Variants in YAP1 observed in about 807,000 individuals in gnomAD.
YAP1 encodes the protein Yes1 associated transcriptional regulator, also known as transcriptional coactivator YAP1.
Under a neutral mutation model 56.9 loss-of-function variants are expected in YAP1, and 5 were observed. The observed-to-expected ratio is 0.09, with a 90% CI of 0.05 to 0.18. The LOEUF (loss-of-function observed/expected upper bound fraction) is 0.18. YAP1 is among the 10% of genes least tolerant of loss of function. The pLI is 1.00. For missense variants in YAP1, 539 were observed against 651.8 expected (o/e 0.83, Z 1.88); for synonymous variants, 265 against 248.1 (o/e 1.07, Z -0.64).
chr11:102,202,114 A>G (rs926673405), intron 4 of YAP1, among the ~76,000 whole-genome samples: 2 of 152,100 alleles, frequency 1.3e-5, no homozygotes, highest in Non-Finnish European at 2.9e-5. Flanking sequence ...GTGATTTCAT[A>G]ATGATTTTTT....
chr11:102,163,447 T>G (rs1339612664), intron 3 of YAP1, among the ~76,000 whole-genome samples: 2 of 152,146 alleles, frequency 1.3e-5, no homozygotes, highest in African/African-American at 4.8e-5. Flanking sequence ...TAGGAAAAGG[T>G]GCCCTTCCTC....
At chr11:102,129,611 C>G (rs1944252188) in intron 2 of YAP1, among the ~76,000 whole-genome samples, 1 of 76,716 alleles carries the variant, frequency 1.3e-5, no homozygotes. Context: ...GAGCGAGACT[C>G]TGTCTCCAAA....
At chr11:102,122,835 A>C (rs1943746615) in intron 2 of YAP1, among the ~76,000 whole-genome samples, 1 of 145,810 alleles carries the variant, frequency 6.9e-6, no homozygotes, top group African/African-American at 2.5e-5. Flanking sequence ...TGGAGGTTGC[A>C]GCAGTGAATC....
At chr11:102,175,133 A>G (rs937061706) in intron 3 of YAP1, among the ~76,000 whole-genome samples, 3 of 152,176 alleles carry the variant, frequency 2.0e-5, no homozygotes, top group African/African-American at 7.2e-5. Flanking sequence ...TATTTTCATC[A>G]GTATGTTTAT....
chr11:102,183,427 G>A (rs889723309), intron 3 of YAP1, among the ~76,000 whole-genome samples: 3 of 152,252 alleles, frequency 2.0e-5, no homozygotes, highest in African/African-American at 4.8e-5. Context: ...AAGATGAATC[G>A]AAAATATTTT....
chr11:102,142,774 A>G (rs941096065), intron 2 of YAP1, among the ~76,000 whole-genome samples: 2 of 152,220 alleles, frequency 1.3e-5, no homozygotes, highest in Non-Finnish European at 2.9e-5. Context: ...TTTTATGAGT[A>G]GGGTAATAAT....
chr11:102,218,539 A>C (rs1316179440), intron 6 of YAP1, among the ~76,000 whole-genome samples: 1 of 152,230 alleles, frequency 6.6e-6, no homozygotes, highest in African/African-American at 2.4e-5. Context: ...AAGGCTAACT[A>C]TATTTGTTTT....
In YAP1 at chr11:102,230,045, G is replaced by T; in HGVS notation, c.*105G>T. 1 of 951,488 alleles carries T rather than the reference G, an allele frequency of 1.1e-6. No homozygotes were observed. The highest frequency in any genetic ancestry group is 1.6e-6 in the Non-Finnish European group (1 of 618,408). 58.9% of individuals were successfully genotyped at this position (951,488 alleles called of 1,614,324 possible). ...CAGTTTTCAGGCTAATACAGAAAAA[G>T]ATGAACAAACGTCCAGCAAGATACT... On this transcript the variant is annotated 3_prime_UTR_variant, in exon 9 of 9. Transcript: ENST00000282441.
At chr11:102,160,480 G>T (rs1946207270) in intron 2 of YAP1, among the ~76,000 whole-genome samples, 2 of 152,326 alleles carry the variant, frequency 1.3e-5, no homozygotes, top group African/African-American at 4.8e-5. Flanking sequence ...TGTTCTGACA[G>T]CAGAGTTTAT....
intron 2 of YAP1, among the ~76,000 whole-genome samples, chr11:102,122,243 ACC>A (rs146585964): frequency 0.03 from 4,504 of 150,750 alleles, 74 homozygotes; most frequent in African/African-American, 0.046. Flanking sequence ...AACAGTGAAA[ACC>A]GATCTCTACT....
intron 2 of YAP1, among the ~76,000 whole-genome samples, chr11:102,135,727 G>T (rs964078522): frequency 6.6e-6 from 1 of 152,082 alleles, no homozygotes; most frequent in Non-Finnish European, 1.5e-5. Flanking sequence ...TTCAATGGGA[G>T]GAATAGTAAA....
At chr11:102,211,166 CA>C (rs34954110) in intron 6 of YAP1, among the ~76,000 whole-genome samples, 2 of 152,004 alleles carry the variant, frequency 1.3e-5, no homozygotes, top group East Asian at 1.9e-4. Flanking sequence ...TCCTCCATGC[CA>C]AAAAAATGTT....
intron 2 of YAP1, among the ~76,000 whole-genome samples, chr11:102,156,811 G>A (rs1344525165): frequency 2.6e-5 from 4 of 152,172 alleles, no homozygotes; most frequent in Non-Finnish European, 5.9e-5. Flanking sequence ...TTGAGCTTTG[G>A]CATTATTCTC....
chr11:102,133,650 A>G (rs1353710415), intron 2 of YAP1, among the ~76,000 whole-genome samples: 2 of 152,170 alleles, frequency 1.3e-5, no homozygotes, highest in African/African-American at 4.8e-5. Context: ...GGAAGTTATG[A>G]GTTTCACACA....
chr11:102,227,364 T>TA, intron 7 of YAP1, 105 bp from the exon 8 acceptor site: 2 of 780,724 alleles, frequency 2.6e-6, no homozygotes, highest in East Asian at 2.7e-5. Flanking sequence ...GAATTTTCAC[T>TA]AATCCTCTTT....
chr11:102,180,878 A>G (rs1470243215), intron 3 of YAP1, among the ~76,000 whole-genome samples: 1 of 151,554 alleles, frequency 6.6e-6, no homozygotes, highest in Non-Finnish European at 1.5e-5. Context: ...CGGGCATGGT[A>G]GCTCGCACCT....
chr11:102,131,986 T>C (rs1041343050), intron 2 of YAP1, among the ~76,000 whole-genome samples: 4 of 152,056 alleles, frequency 2.6e-5, no homozygotes, highest in Non-Finnish European at 4.4e-5. Flanking sequence ...GGCACAGTGG[T>C]GTGCGCCTGT....
intron 2 of YAP1, among the ~76,000 whole-genome samples, chr11:102,134,445 A>C (rs951512724): frequency 6.7e-6 from 1 of 149,812 alleles, no homozygotes; most frequent in Admixed American, 6.7e-5. Context: ...CTAATATGCT[A>C]TGTTATGGCT....
rs1354010625 is a variant in YAP1, at chr11:102,223,717, A to G, written c.1128A>G (p.Thr376=). 6.2e-7 allele frequency: 1 copy of G among 1,614,170 alleles called. No individual in the cohort carries two copies. The highest frequency in any genetic ancestry group is 1.3e-5 in the African/African-American group (1 of 75,056). The change falls in exon 7 of 9, where the codon ACA becomes ACG. Residue 376 remains threonine, a synonymous_variant. Transcript: ENST00000282441. The part of the protein sequence containing the change: ...SSPGMSQELR[T]MTTNSSDPFL... The stretch of plus-strand genomic sequence containing the variant: ...CCGGGATGTCTCAGGAATTGAGAAC[A>G]ATGACGACCAATAGCTCAGATCCTT...
Sources: gnomAD v4.1 joint callset for allele counts (sites outside exome capture counted in the v4.1 genomes callset) on GRCh38, gnomAD v4.1.1 for gene constraint, MANE v1.5 for transcripts, NCBI Gene and HGNC (gene_info 2026-07-23, HGNC 2026-07-21) for gene names.